The following CHRM5 variants were observed in gnomAD, a reference collection of about 807,000 sequenced individuals.
CHRM5 encodes cholinergic receptor muscarinic 5, also known as muscarinic acetylcholine receptor M5.
A neutral mutation model predicts 39.0 loss-of-function variants in CHRM5; 18 were observed. The observed-to-expected ratio is 0.46, with a 90% CI of 0.32 to 0.68. The LOEUF (loss-of-function observed/expected upper bound fraction) is 0.68, where lower values mean the gene tolerates loss of function less well. Among genes scored for constraint, CHRM5 ranks in the 30% least tolerant of loss-of-function variants. The probability of loss-of-function intolerance (pLI) is 0.04; values close to 1 mark genes in which losing one functional copy is unlikely to be tolerated. For synonymous variants in CHRM5, 241 were observed against 246.3 expected, an observed-to-expected ratio of 0.98 and a Z score of 0.20; for missense variants, 515 against 651.1, an observed-to-expected ratio of 0.79 and a Z score of 2.28.
At chr15:33,986,959 G>C (rs977692005) in intron 1 of CHRM5, among the ~76,000 whole-genome samples, 2 of 152,078 alleles carry the variant, frequency 1.3e-5, no homozygotes, top group Non-Finnish European at 2.9e-5. Context: ...GCCCAGCCCA[G>C]GTTCTTTTCA....
intron 1 of CHRM5, among the ~76,000 whole-genome samples, chr15:33,981,100 C>A (rs1184110147): frequency 6.7e-6 from 1 of 148,790 alleles, no homozygotes; most frequent in Non-Finnish European, 1.5e-5. Flanking sequence ...CAGTTTTGGA[C>A]AGCAACCCCT....
intron 1 of CHRM5, chr15:34,038,872 AGCCCCG>A (rs1567483210): frequency 1.3e-5 from 15 of 1,146,496 alleles, no homozygotes; most frequent in South Asian, 8.2e-5. Context: ...GCGCCGCGGA[AGCCCCG>A]GCCACGGCCA....
At chr15:34,017,973 C>T (rs1898019636) in intron 1 of CHRM5, among the ~76,000 whole-genome samples, 1 of 152,146 alleles carries the variant, frequency 6.6e-6, no homozygotes, top group African/African-American at 2.4e-5. Context: ...AACAAACCTA[C>T]TACATTACCA....
At chr15:34,062,087 A>G (rs939680372) in intron 2 of CHRM5, among the ~76,000 whole-genome samples, 1 of 152,066 alleles carries the variant, frequency 6.6e-6, no homozygotes, top group Non-Finnish European at 1.5e-5. Context: ...TCGTCTTCCC[A>G]GCCCTTTTTA....
intron 1 of CHRM5, among the ~76,000 whole-genome samples, chr15:34,004,979 AT>A (rs66645361): frequency 0.15 from 22,872 of 151,944 alleles, 2,126 homozygotes; most frequent in Middle Eastern, 0.28. Context: ...CTTAAAAAAA[AT>A]AATGAGCTTT....
At chr15:33,977,880 C>A (rs915456948) in intron 1 of CHRM5, among the ~76,000 whole-genome samples, 2 of 151,544 alleles carry the variant, frequency 1.3e-5, no homozygotes, top group Non-Finnish European at 2.9e-5. Context: ...AAAGCCGCAG[C>A]AAGCTGTGAA....
chr15:33,983,125 ACT>A (rs1896226931), intron 1 of CHRM5, among the ~76,000 whole-genome samples: 1 of 113,976 alleles, frequency 8.8e-6, no homozygotes, highest in African/African-American at 4.0e-5. Flanking sequence ...ATATGTCCAT[ACT>A]CTGTGTGTGT....
At chr15:34,009,530 G>C (rs1177417840) in intron 1 of CHRM5, among the ~76,000 whole-genome samples, 1 of 151,902 alleles carries the variant, frequency 6.6e-6, no homozygotes, top group East Asian at 1.9e-4. Flanking sequence ...TAGATTCAAA[G>C]ATACAAGTAG....
intron 2 of CHRM5, among the ~76,000 whole-genome samples, chr15:34,047,577 T>C (rs1220852555): frequency 6.6e-6 from 1 of 152,050 alleles, no homozygotes. Flanking sequence ...AGAGTCTGCC[T>C]GAGAGAGAAT....
chr15:34,062,640 C>T lies in CHRM5; in HGVS notation c.-75-3C>T, dbSNP rs1900380420. 3.6e-6 allele frequency: 5 copies of T among 1,377,574 alleles called. No individual in the cohort carries two copies. The highest frequency in any genetic ancestry group is 1.0e-6 in the Non-Finnish European group (1 of 1,003,856). 85.3% of individuals were successfully genotyped at this position (1,377,574 alleles called of 1,614,324 possible). ...GAAGCTAATGTGTTTCCCTCTCTTCCAGATGCTGGCCAAGAAGAGCTGAAA... is the reference window on the plus strand; with the variant it reads ...GAAGCTAATGTGTTTCCCTCTCTTCTAGATGCTGGCCAAGAAGAGCTGAAA... On this transcript the variant is annotated splice_region_variant and splice_polypyrimidine_tract_variant and intron_variant, in intron 2 of 2. Coordinates refer to ENST00000383263, the MANE Select transcript of CHRM5 (RefSeq NM_012125.4).
intron 1 of CHRM5, among the ~76,000 whole-genome samples, chr15:34,043,354 G>A (rs1278717025): frequency 1.3e-5 from 2 of 152,148 alleles, no homozygotes; most frequent in East Asian, 1.9e-4. Context: ...CAAATATAAA[G>A]TTTGTGGGGA....
At chr15:33,994,023 T>C (rs1198045611) in intron 1 of CHRM5, among the ~76,000 whole-genome samples, 1 of 152,202 alleles carries the variant, frequency 6.6e-6, no homozygotes, top group Non-Finnish European at 1.5e-5. Flanking sequence ...GCTGTGAACA[T>C]TTGGGCACAC....
At chr15:33,989,254 C>A (rs1896614327) in intron 1 of CHRM5, among the ~76,000 whole-genome samples, 2 of 152,054 alleles carry the variant, frequency 1.3e-5, no homozygotes, top group Non-Finnish European at 2.9e-5. Flanking sequence ...ATGACAGCCC[C>A]GTGTTAATGA....
intron 1 of CHRM5, chr15:34,038,876 CCGGCCA>C (rs1035895081): frequency 2.6e-5 from 30 of 1,145,330 alleles, no homozygotes; most frequent in African/African-American, 2.3e-4. Context: ...CGCGGAAGCC[CCGGCCA>C]CGGCCACGGC....
chr15:34,011,054 T>A (rs561928602), intron 1 of CHRM5, among the ~76,000 whole-genome samples: 3 of 152,208 alleles, frequency 2.0e-5, no homozygotes, highest in Admixed American at 2.0e-4. Context: ...GGGCCGGGCA[T>A]GGTGGCTCAT....
chr15:34,026,642 G>A (rs1196098084), intron 1 of CHRM5, among the ~76,000 whole-genome samples: 1 of 151,968 alleles, frequency 6.6e-6, no homozygotes, highest in Non-Finnish European at 1.5e-5. Context: ...TAGACAATCA[G>A]AACAAGGATC....
At chr15:34,057,293 C>T (rs60064315) in intron 2 of CHRM5, among the ~76,000 whole-genome samples, 16 of 124,294 alleles carry the variant, frequency 1.3e-4, no homozygotes, top group African/African-American at 4.8e-4. Flanking sequence ...CATGCCACCA[C>T]GCCCAGCTAA....
intron 1 of CHRM5, among the ~76,000 whole-genome samples, chr15:33,981,644 G>T (rs944230235): frequency 2.0e-5 from 3 of 152,098 alleles, no homozygotes; most frequent in Non-Finnish European, 4.4e-5. Flanking sequence ...ATGGGTTTTG[G>T]AATCAGATTG....
chr15:34,030,885 T>C (rs1246972161), intron 1 of CHRM5, among the ~76,000 whole-genome samples: 2 of 152,118 alleles, frequency 1.3e-5, no homozygotes, highest in Non-Finnish European at 2.9e-5. Context: ...CCCAAAGTGC[T>C]GGGATTACAG....
Sources: allele counts gnomAD v4.1 joint callset (sites outside exome capture counted in the v4.1 genomes callset), GRCh38; gene constraint gnomAD v4.1.1; transcripts MANE v1.5; gene names NCBI Gene and HGNC (gene_info 2026-07-23, HGNC 2026-07-21).